The following ITGAE variants were observed in gnomAD, a reference collection of about 807,000 sequenced individuals.
ITGAE encodes integrin subunit alpha E.
In ITGAE, 99 loss-of-function variants were observed where a neutral mutation model predicts 136.5. The ratio of observed to expected loss-of-function variants is 0.73; its 90% CI spans 0.62 to 0.86. The LOEUF is 0.86. ITGAE is among the 40% of genes least tolerant of loss of function. ITGAE has a pLI of 0.00. For missense variants in ITGAE, 1,447 were observed against 1,515.3 expected (o/e 0.95, Z 0.75); for synonymous variants, 613 against 591.8 (o/e 1.04, Z -0.52).
At chr17:3,725,329 G>A (rs774562274) in intron 26 of ITGAE, 11 of 1,614,048 alleles carry the variant, frequency 6.8e-6, no homozygotes, top group Non-Finnish European at 9.3e-6. Flanking sequence ...AAGGTTTATG[G>A]GGAATGCAGT....
intron 20 of ITGAE, among the ~76,000 whole-genome samples, chr17:3,737,447 G>A (rs553386526): frequency 6.9e-6 from 1 of 144,584 alleles, no homozygotes; most frequent in African/African-American, 2.9e-5. Flanking sequence ...AGTGGTGCCG[G>A]TGGCTGAGTG....
rs530419682 is a variant in ITGAE at position 3,772,743 on chromosome 17, C to T, written c.155+4797G>A. ...CCTCCCAAAGTGCTGGGATTACAGG[C>T]GTGAGCCACCGCGCCTGGCAGTGAC... is the stretch of plus-strand genomic sequence containing the variant. On this transcript the variant is annotated intron_variant, in intron 2 of 30. Transcript: ENST00000263087. 6.9e-4 allele frequency among the ~76,000 whole-genome samples: 105 copies of T among 152,206 alleles called. 1 individual carries two copies. Among genetic ancestry groups the T allele is most frequent in the Non-Finnish European group, 1.3e-3 (86 of 68,014 alleles).
intron 1 of ITGAE, among the ~76,000 whole-genome samples, chr17:3,780,081 C>T (rs1339297718): frequency 1.3e-5 from 2 of 152,170 alleles, no homozygotes; most frequent in African/African-American, 4.8e-5. Context: ...TCAAGCGATT[C>T]TCCTGCCTCA....
chr17:3,717,972 TC>T (rs2050974478), intron 29 of ITGAE: 2 of 152,156 alleles, frequency 1.3e-5, no homozygotes, highest in South Asian at 4.1e-4. Context: ...AGAAGAAATG[TC>T]CCTATTTCTC....
intron 2 of ITGAE, among the ~76,000 whole-genome samples, chr17:3,770,088 T>C (rs952088302): frequency 6.6e-6 from 1 of 151,806 alleles, no homozygotes; most frequent in African/African-American, 2.4e-5. Flanking sequence ...TAACCTGTCC[T>C]GTTCTCAGGG....
chr17:3,747,107 C>T (rs1221192141), intron 17 of ITGAE, among the ~76,000 whole-genome samples: 3 of 152,198 alleles, frequency 2.0e-5, no homozygotes. Context: ...ATGCCCACCA[C>T]CTCCTTTCTG....
At chr17:3,765,020 A>G (rs529169264) in intron 2 of ITGAE, among the ~76,000 whole-genome samples, 3 of 152,216 alleles carry the variant, frequency 2.0e-5, no homozygotes, top group Admixed American at 1.3e-4. Flanking sequence ...GGAGGACTTT[A>G]TAAAGGGGAA....
At chr17:3,731,317 C>T (rs374706391) in intron 22 of ITGAE, 134 bp from the exon 23 acceptor site, 8 of 621,202 alleles carry the variant, frequency 1.3e-5, no homozygotes, top group Middle Eastern at 5.5e-4. Flanking sequence ...TCTAACACAG[C>T]ATGTTTCCTT....
At chr17:3,773,547 G>A (rs2052475924) in intron 2 of ITGAE, among the ~76,000 whole-genome samples, 1 of 111,502 alleles carries the variant, frequency 9.0e-6, no homozygotes, top group East Asian at 2.9e-4. Flanking sequence ...CAAAGTGGGG[G>A]TGAGGGGCAA....
At chr17:3,768,468 A>C (rs992521793) in intron 2 of ITGAE, among the ~76,000 whole-genome samples, 4 of 152,132 alleles carry the variant, frequency 2.6e-5, no homozygotes, top group Non-Finnish European at 5.9e-5. Flanking sequence ...AGTTTACACC[A>C]ATGTCCCTTC....
intron 26 of ITGAE, chr17:3,725,843 C>G: frequency 6.2e-7 from 1 of 1,611,906 alleles, no homozygotes; most frequent in South Asian, 1.1e-5. Flanking sequence ...CAGCCTCCCT[C>G]GCAGTGGCAG....
At chr17:3,742,637 A>C (rs1032660383) in intron 19 of ITGAE, among the ~76,000 whole-genome samples, 5 of 151,156 alleles carry the variant, frequency 3.3e-5, no homozygotes, top group African/African-American at 9.7e-5. Context: ...GTATTTTTTA[A>C]AATTTATTTT....
chr17:3,730,880 C>A (rs2051326041), intron 23 of ITGAE, among the ~76,000 whole-genome samples: 1 of 152,172 alleles, frequency 6.6e-6, no homozygotes, highest in South Asian at 2.1e-4. Context: ...CCAGGCTGTA[C>A]CACAGTTTTA....
chr17:3,716,152 A>G (rs2050939201), intron 30 of ITGAE, among the ~76,000 whole-genome samples: 1 of 148,756 alleles, frequency 6.7e-6, no homozygotes, highest in Non-Finnish European at 1.5e-5. Flanking sequence ...GCCTGGGCGA[A>G]AGAGCGGAAC....
intron 20 of ITGAE, among the ~76,000 whole-genome samples, chr17:3,736,178 A>G (rs922316585): frequency 6.6e-6 from 1 of 151,994 alleles, no homozygotes; most frequent in Non-Finnish European, 1.5e-5. Context: ...GGTGTGGTGC[A>G]GGCACTTGTA....
At chr17:3,791,085 G>T (rs1257695382) in intron 1 of ITGAE, among the ~76,000 whole-genome samples, 1 of 150,166 alleles carries the variant, frequency 6.7e-6, no homozygotes, top group African/African-American at 2.4e-5. Context: ...AACCCAGGAG[G>T]CAGAGCTTGC....
chr17:3,796,030 CGT>C (rs796170326), intron 1 of ITGAE, among the ~76,000 whole-genome samples: 3 of 76,178 alleles, frequency 3.9e-5, no homozygotes, highest in African/African-American at 5.7e-5. Flanking sequence ...CGCGTGTGTG[CGT>C]GTGCATCCGT....
intron 29 of ITGAE, chr17:3,718,077 G>A (rs986536658): frequency 1.3e-5 from 2 of 152,236 alleles, no homozygotes; most frequent in African/African-American, 4.8e-5. Context: ...GCAAGGCACC[G>A]GGTACTACTG....
chr17:3,783,272 C>G (rs886797333), intron 1 of ITGAE, among the ~76,000 whole-genome samples: 1 of 152,334 alleles, frequency 6.6e-6, no homozygotes, highest in South Asian at 2.1e-4. Context: ...TCCGGAGTAG[C>G]TGGGATTACA....
Sources: gnomAD v4.1 joint callset for allele counts (sites outside exome capture counted in the v4.1 genomes callset) on GRCh38, gnomAD v4.1.1 for gene constraint, MANE v1.5 for transcripts, NCBI Gene and HGNC (gene_info 2026-07-23, HGNC 2026-07-21) for gene names.